The following CDH13 variants were observed in gnomAD, a reference collection of about 807,000 sequenced individuals.
CDH13 encodes the protein cadherin 13.
Under a neutral mutation model 63.8 loss-of-function variants are expected in CDH13, and 24 were observed. That is an observed-to-expected ratio of 0.38 (90% confidence interval 0.27 to 0.53). CDH13 has a LOEUF of 0.53. Ranked by LOEUF, CDH13 falls within the 20% of genes least tolerant of loss-of-function variation. The pLI is 0.85. For synonymous variants in CDH13, 503 were observed against 355.3 expected (o/e 1.42, Z -4.67); for missense variants, 1,049 against 903.1 (o/e 1.16, Z -2.07).
chr16:82,982,256 TTA>T (rs1252964755), intron 2 of CDH13, among the ~76,000 whole-genome samples: 4 of 152,124 alleles, frequency 2.6e-5, no homozygotes, highest in Admixed American at 1.3e-4. Flanking sequence ...TAAATAATAC[TTA>T]TCTTATAAAT....
chr16:83,253,621 C>T (rs908079356), intron 5 of CDH13, among the ~76,000 whole-genome samples: 1 of 152,188 alleles, frequency 6.6e-6, no homozygotes, highest in Non-Finnish European at 1.5e-5. Flanking sequence ...GGTTGCCCTC[C>T]AGGTGTCATT....
chr16:83,524,140 G>C (rs1286454323), intron 7 of CDH13, among the ~76,000 whole-genome samples: 1 of 152,222 alleles, frequency 6.6e-6, no homozygotes, highest in Non-Finnish European at 1.5e-5. Flanking sequence ...CCATGCACTA[G>C]ATTTGTTTCC....
At chr16:82,756,723 A>AG (rs958564851) in intron 1 of CDH13, among the ~76,000 whole-genome samples, 1 of 152,176 alleles carries the variant, frequency 6.6e-6, no homozygotes, top group African/African-American at 2.4e-5. Context: ...ACAGAGAATT[A>AG]GGAGGACCAA....
At chr16:83,418,326 A>G (rs2071614121) in intron 6 of CDH13, among the ~76,000 whole-genome samples, 1 of 152,190 alleles carries the variant, frequency 6.6e-6, no homozygotes, top group Non-Finnish European at 1.5e-5. Context: ...GCTGAATTTT[A>G]TAGCCATAAA....
chr16:83,768,540 G>C (rs1254114207), intron 11 of CDH13, among the ~76,000 whole-genome samples: 1 of 152,136 alleles, frequency 6.6e-6, no homozygotes, highest in Non-Finnish European at 1.5e-5. Flanking sequence ...AAAGAATTCA[G>C]GGCTAGTCCA....
rs536426045 is a variant in CDH13, at chr16:83,606,310, C to T, written c.1101+3716C>T. On this transcript the variant is annotated intron_variant, in intron 8 of 13. Coordinates refer to ENST00000567109, the MANE Select transcript of CDH13 (RefSeq NM_001257.5). ...TTTAAATTCTATCTTACATGACTTTCCCTCTCCGGAGAGATGTATCCTTTT... is the reference window on the plus strand; with the variant it reads ...TTTAAATTCTATCTTACATGACTTTTCCTCTCCGGAGAGATGTATCCTTTT... 2.6e-5 allele frequency among the ~76,000 whole-genome samples: 4 copies of T among 152,256 alleles called. 1 individual carries two copies. The South Asian group carries it at 8.3e-4, about 32-fold the overall frequency.
At chr16:82,685,861 G>A (rs1487509554) in intron 1 of CDH13, among the ~76,000 whole-genome samples, 1 of 152,186 alleles carries the variant, frequency 6.6e-6, no homozygotes, top group Non-Finnish European at 1.5e-5. Context: ...TTTGTTTTAA[G>A]CAGAGACAGT....
At chr16:82,929,959 C>T (rs1193142333) in intron 2 of CDH13, among the ~76,000 whole-genome samples, 8 of 151,642 alleles carry the variant, frequency 5.3e-5, no homozygotes, top group African/African-American at 9.7e-5. Flanking sequence ...GACTGGCCAC[C>T]GGAAGCCCCA....
In CDH13 at chr16:82,644,712, C is replaced by G. The variant is rs960562200; in HGVS notation, c.45+17575C>G. 1.3e-5 allele frequency among the ~76,000 whole-genome samples: 2 copies of G among 152,160 alleles called. No individual in the cohort carries two copies. The highest frequency in any genetic ancestry group is 2.9e-5 in the Non-Finnish European group (2 of 68,024). ...GCTGGGACCCAGGCTCCCAGGTAGC[C>G]AGCTCCCAGGTGACAGGAGTCCGCT... On this transcript the variant is annotated intron_variant, in intron 1 of 13. Transcript: ENST00000567109. This position sits in a 1 kb window ranked among gnomAD's most constrained non-coding sequence, Gnocchi z 5.7.
intron 7 of CDH13, among the ~76,000 whole-genome samples, chr16:83,488,877 G>A (rs2073950975): frequency 6.6e-6 from 1 of 152,068 alleles, no homozygotes; most frequent in Non-Finnish European, 1.5e-5. Context: ...TGCCCACCTC[G>A]GCCTCCCAGT....
At chr16:83,678,601 A>G in intron 10 of CDH13, 140 bp downstream of exon 10, 1 of 1,122,442 alleles carries the variant, frequency 8.9e-7, no homozygotes, top group Non-Finnish European at 1.3e-6. Flanking sequence ...GGAAAGCGTC[A>G]TAGAGAGGAG....
At chr16:82,714,352 C>G (rs1049421175) in intron 1 of CDH13, among the ~76,000 whole-genome samples, 2 of 152,100 alleles carry the variant, frequency 1.3e-5, no homozygotes, top group African/African-American at 4.8e-5. Context: ...AGGGTCTTTG[C>G]AGATAATCAA....
chr16:83,094,605 GT>G (rs1156855302), intron 3 of CDH13, among the ~76,000 whole-genome samples: 8 of 152,152 alleles, frequency 5.3e-5, no homozygotes, highest in Admixed American at 5.2e-4. Flanking sequence ...AGGCCTCTTA[GT>G]TTATAGCTGT....
chr16:83,409,392 C>T lies in CDH13; in HGVS notation c.781+64386C>T, dbSNP rs143749088. ...TGGGGAAAGCCCTCATGCAGCGACA[C>T]GGGGCAATGGTAGTTGTCTGCCTTG... is the stretch of plus-strand genomic sequence containing the variant. On this transcript the variant is annotated intron_variant, in intron 6 of 13. Coordinates refer to ENST00000567109, the MANE Select transcript of CDH13 (RefSeq NM_001257.5). Among the ~76,000 whole-genome samples the T allele has an allele frequency of 1.1e-3, 167 of 152,236 alleles. 2 individuals carry two copies. In the East Asian group the frequency reaches 0.025, roughly 23 times the overall value.
chr16:83,438,363 G>A (rs541338803), intron 6 of CDH13, among the ~76,000 whole-genome samples: 120 of 152,356 alleles, frequency 7.9e-4, no homozygotes, highest in African/African-American at 2.8e-3. Context: ...GGCACCAGGT[G>A]TATATTGCTG....
At chr16:83,066,445 G>C (rs1190381310) in intron 3 of CDH13, among the ~76,000 whole-genome samples, 1 of 152,162 alleles carries the variant, frequency 6.6e-6, no homozygotes, top group East Asian at 1.9e-4. Context: ...CAAGCTGGGA[G>C]GCCTTCTGAC....
chr16:83,758,165 G>C (rs1432822641), intron 11 of CDH13, among the ~76,000 whole-genome samples: 1 of 151,744 alleles, frequency 6.6e-6, no homozygotes, highest in African/African-American at 2.4e-5. Flanking sequence ...AAATATTTAA[G>C]AAAGAAAAAC....
chr16:83,719,790 C>G (rs947694284), intron 10 of CDH13, among the ~76,000 whole-genome samples: 8 of 152,182 alleles, frequency 5.3e-5, no homozygotes, highest in Non-Finnish European at 4.4e-5. Context: ...CCCACTCCCT[C>G]TCCATCACAC....
intron 6 of CDH13, among the ~76,000 whole-genome samples, chr16:83,347,344 G>C (rs1222960928): frequency 1.3e-5 from 2 of 151,562 alleles, no homozygotes; most frequent in Non-Finnish European, 2.9e-5. Context: ...AGTAAGGGTG[G>C]GGGTAGGGGT....
Sources: gnomAD v4.1 joint callset for allele counts (sites outside exome capture counted in the v4.1 genomes callset) on GRCh38, gnomAD v4.1.1 for gene constraint, Gnocchi (gnomAD v3.1) non-coding constraint, MANE v1.5 for transcripts, NCBI Gene and HGNC (gene_info 2026-07-23, HGNC 2026-07-21) for gene names.